The following TCERG1L variants were observed in gnomAD, a reference collection of about 807,000 sequenced individuals.
The protein encoded by TCERG1L is transcription elongation regulator 1-like protein.
In TCERG1L, 37 loss-of-function variants were observed where a neutral mutation model predicts 56.3. The ratio of observed to expected loss-of-function variants is 0.66; its 90% CI spans 0.51 to 0.87. The LOEUF is 0.87. Ranked by LOEUF, TCERG1L falls within the 40% of genes least tolerant of loss-of-function variation. The pLI is 0.00. For missense variants in TCERG1L, 799 were observed against 774.2 expected (o/e 1.03, Z -0.38); for synonymous variants, 324 against 326.3 (o/e 0.99, Z 0.08).
chr10:131,204,547 C>A lies in TCERG1L; in HGVS notation c.857-37662G>T, dbSNP rs930396194. Among the ~76,000 whole-genome samples, 2 of 152,238 alleles carry A rather than the reference C, an allele frequency of 1.3e-5. 1 individual carries two copies. Among genetic ancestry groups the A allele is most frequent in the Non-Finnish European group, 2.9e-5 (2 of 68,050 alleles). On this transcript the variant is annotated intron_variant, in intron 4 of 11. Coordinates refer to ENST00000368642, the MANE Select transcript of TCERG1L (RefSeq NM_174937.4). ...GGAGAAACTGTCCGTGATGGTGGGTCCTGGCTTCCCAGCAGCGGTGGCCAC... is the reference window on the plus strand; with the variant it reads ...GGAGAAACTGTCCGTGATGGTGGGTACTGGCTTCCCAGCAGCGGTGGCCAC...
chr10:131,256,996 A>AAAGAAAGAAAGAAC (rs1564827190), intron 4 of TCERG1L, among the ~76,000 whole-genome samples: 1 of 47,998 alleles, frequency 2.1e-5, no homozygotes, highest in Admixed American at 2.7e-4. Context: ...AAGGAAGGAA[A>AAAGAAAGAAAGAAC]GAAAGAAAGA....
At chr10:131,269,125 CTTCTT>C (rs1427094090) in intron 3 of TCERG1L, among the ~76,000 whole-genome samples, 7 of 152,170 alleles carry the variant, frequency 4.6e-5, no homozygotes, top group African/African-American at 1.2e-4. Context: ...ACATGCCACT[CTTCTT>C]TTCATTTGAA....
intron 4 of TCERG1L, among the ~76,000 whole-genome samples, chr10:131,209,711 G>C (rs1845595525): frequency 1.3e-5 from 2 of 152,142 alleles, no homozygotes; most frequent in African/African-American, 4.8e-5. Flanking sequence ...CAGTATCATA[G>C]TAGGGCAATA....
chr10:131,254,302 A>AATATATATATATAT (rs57689050), intron 4 of TCERG1L, among the ~76,000 whole-genome samples: 2,118 of 142,648 alleles, frequency 0.015, 26 homozygotes, highest in African/African-American at 0.024. Context: ...ACTGGATTTA[A>AATATATATATATAT]ATATATATAT....
chr10:131,172,344 A>G (rs1403475383), intron 4 of TCERG1L, among the ~76,000 whole-genome samples: 1 of 152,178 alleles, frequency 6.6e-6, no homozygotes, highest in Non-Finnish European at 1.5e-5. Flanking sequence ...GCCCCAAGGA[A>G]CAGGGAGAGA....
intron 4 of TCERG1L, among the ~76,000 whole-genome samples, chr10:131,232,443 C>T (rs1845862992): frequency 6.6e-6 from 1 of 152,230 alleles, no homozygotes; most frequent in Non-Finnish European, 1.5e-5. Flanking sequence ...AGGCAGTGCA[C>T]ACCCCAGACC....
At chr10:131,281,130 T>G (rs953245294) in intron 3 of TCERG1L, among the ~76,000 whole-genome samples, 1 of 152,212 alleles carries the variant, frequency 6.6e-6, no homozygotes, top group Non-Finnish European at 1.5e-5. Context: ...ATGGCAATAA[T>G]CTACTAGCAA....
At chr10:131,271,798 C>G (rs1345443839) in intron 3 of TCERG1L, among the ~76,000 whole-genome samples, 1 of 152,162 alleles carries the variant, frequency 6.6e-6, no homozygotes, top group Non-Finnish European at 1.5e-5. Context: ...TCCCTGTGAC[C>G]GGAGACTGAA....
intron 4 of TCERG1L, among the ~76,000 whole-genome samples, chr10:131,195,237 G>A (rs1845345906): frequency 6.6e-6 from 1 of 152,194 alleles, no homozygotes; most frequent in African/African-American, 2.4e-5. Context: ...TGTATGTGAA[G>A]CCTGATCACA....
chr10:131,249,078 A>C (rs923903869), intron 4 of TCERG1L, among the ~76,000 whole-genome samples: 7 of 152,250 alleles, frequency 4.6e-5, no homozygotes, highest in African/African-American at 1.7e-4. Context: ...ACTTGTAAAC[A>C]GCCAGAACCC....
chr10:131,156,074 A>T (rs967494058), intron 6 of TCERG1L: 1 of 152,234 alleles, frequency 6.6e-6, no homozygotes, highest in Non-Finnish European at 1.5e-5. Context: ...TGCAAGTCAG[A>T]GGACGGTGCA....
intron 4 of TCERG1L, among the ~76,000 whole-genome samples, chr10:131,173,889 C>G (rs1184872136): frequency 6.6e-6 from 1 of 152,202 alleles, no homozygotes; most frequent in Non-Finnish European, 1.5e-5. Context: ...AAAGGGGAGA[C>G]TGTGCAGCTA....
Position 131,093,259 on chromosome 10 carries a change from TGAACAA to T in TCERG1L, c.1658_1663del (p.Leu553_Val554del). On this transcript the variant is annotated inframe_deletion, in exon 12 of 12. Transcript: ENST00000368642. ...AAAATGCTCCTGGTCCTTTCTTTTT[TGAACAA>T]GTCGGAACCTCTGATCCCGGCCGTA... 2 of 1,614,020 alleles carry T rather than the reference TGAACAA, an allele frequency of 1.2e-6. No individual in the cohort carries two copies. The highest frequency in any genetic ancestry group is 1.7e-6 in the Non-Finnish European group (2 of 1,179,858).
intron 11 of TCERG1L, among the ~76,000 whole-genome samples, chr10:131,097,438 C>A (rs1420201663): frequency 6.6e-6 from 1 of 152,128 alleles, no homozygotes; most frequent in African/African-American, 2.4e-5. Context: ...AGCTCCGCCT[C>A]CCAGGTTTAC....
At chr10:131,270,925 C>T (rs1331877545) in intron 3 of TCERG1L, among the ~76,000 whole-genome samples, 1 of 152,164 alleles carries the variant, frequency 6.6e-6, no homozygotes, top group Admixed American at 6.5e-5. Context: ...TGGCTGAAGT[C>T]GTGCCTCATC....
At chr10:131,175,085 T>G (rs1846134228) in intron 4 of TCERG1L, among the ~76,000 whole-genome samples, 1 of 152,190 alleles carries the variant, frequency 6.6e-6, no homozygotes, top group African/African-American at 2.4e-5. Context: ...GTGTCACGGC[T>G]AGACAGAATG....
chr10:131,311,640 C>T lies in TCERG1L; in HGVS notation c.-5G>A. On this transcript the variant is annotated 5_prime_UTR_variant, in exon 1 of 12. It removes an upstream start codon present in the reference 5' UTR. Transcript: ENST00000368642. This position sits in a 1 kb window ranked among gnomAD's most constrained non-coding sequence, Gnocchi z 4.0. ...GAACCTGGCGCCCGCCTGCATCCTA[C>T]ATCCCCGCGCTGACGGCGGCGGCGG... 1 of 1,126,106 alleles carries T rather than the reference C, an allele frequency of 8.9e-7. No homozygotes were observed. The allele number at this position is 1,126,106 out of a possible 1,614,324, so 69.8% of individuals were successfully genotyped here.
At chr10:131,143,985 G>A (rs1013829660) in intron 7 of TCERG1L, among the ~76,000 whole-genome samples, 1 of 152,090 alleles carries the variant, frequency 6.6e-6, no homozygotes, top group Non-Finnish European at 1.5e-5. Context: ...ACTTCTGGAG[G>A]CGCTGCCTCC....
Position 131,163,140 on chromosome 10 carries a change from G to A in TCERG1L, c.1016C>T (p.Pro339Leu), listed in dbSNP as rs17857275. 1.0e-5 allele frequency: 16 copies of A among 1,579,192 alleles called. No individual in the cohort carries two copies. Among genetic ancestry groups the A allele is most frequent in the Non-Finnish European group, 1.2e-5 (14 of 1,162,400 alleles). Reference protein sequence around the residue: ...ARGNRPVASTPVPGSPWCVVW... With the variant: ...ARGNRPVASTLVPGSPWCVVW... ...GTCTTACCAGGGGGATCCGGGCACC[G>A]GGGTGGAGGCCACTGGCCTGTTGCC... The change falls in exon 6 of 12, where the codon CCG (proline) becomes CTG (leucine). Residue 339 changes from proline to leucine, a missense_variant. Coordinates refer to ENST00000368642, the MANE Select transcript of TCERG1L (RefSeq NM_174937.4).
Sources: gnomAD v4.1 joint callset for allele counts (sites outside exome capture counted in the v4.1 genomes callset) on GRCh38, gnomAD v4.1.1 for gene constraint, Gnocchi (gnomAD v3.1) non-coding constraint, MANE v1.5 for transcripts, NCBI Gene and HGNC (gene_info 2026-07-23, HGNC 2026-07-21) for gene names.